The following AGBL4 variants were observed in gnomAD, a reference collection of about 807,000 sequenced individuals.
AGBL4 encodes the protein cytosolic carboxypeptidase 6.
In AGBL4, 58 loss-of-function variants were observed where a neutral mutation model predicts 66.4. That is an observed-to-expected ratio of 0.87 (90% confidence interval 0.71 to 1.09). AGBL4 has a LOEUF of 1.09. Ranked by LOEUF, AGBL4 falls within the 50% of genes least tolerant of loss-of-function variation. AGBL4 has a pLI of 0.00. For missense variants in AGBL4, 579 were observed against 631.0 expected (o/e 0.92, Z 0.88); for synonymous variants, 234 against 222.9 (o/e 1.05, Z -0.44).
intron 3 of AGBL4, among the ~76,000 whole-genome samples, chr1:49,619,442 A>G (rs1052955594): frequency 4.6e-5 from 7 of 152,218 alleles, no homozygotes; most frequent in Non-Finnish European, 1.0e-4. Context: ...AAGGAGAACT[A>G]CAAACCACTG....
chr1:49,128,358 T>C (rs1187045868), intron 4 of AGBL4, among the ~76,000 whole-genome samples: 1 of 152,214 alleles, frequency 6.6e-6, no homozygotes, highest in African/African-American at 2.4e-5. Context: ...TTGATAAATT[T>C]ACTCTGTAAT....
At position 49,523,034 on chromosome 1, in the gene AGBL4, C is replaced by T. The variant is rs371585632; in HGVS notation, c.282+174279G>A. Among the ~76,000 whole-genome samples, 51 of 152,148 alleles carry T rather than the reference C, an allele frequency of 3.4e-4. 1 individual carries two copies. The South Asian group carries it at 9.8e-3, about 29-fold the overall frequency. On this transcript the variant is annotated intron_variant, in intron 3 of 13. Coordinates refer to ENST00000371839, the MANE Select transcript of AGBL4 (RefSeq NM_032785.4). ...AGGAGGTCACAGCACAGGACTCTTG[C>T]TGTTAAAATCCACCCCGATTACCTG...
intron 9 of AGBL4, among the ~76,000 whole-genome samples, chr1:48,602,966 C>A (rs1247926570): frequency 6.6e-6 from 1 of 152,124 alleles, no homozygotes; most frequent in African/African-American, 2.4e-5. Flanking sequence ...TAAGTGAAGA[C>A]TGGGTGAAAG....
chr1:48,940,471 T>A (rs56662848), intron 5 of AGBL4, among the ~76,000 whole-genome samples: 16,175 of 152,234 alleles, frequency 0.11, 954 homozygotes, highest in African/African-American at 0.12. Context: ...CAGAACTAGA[T>A]CCTTTCACCA....
chr1:48,603,434 C>A (rs1164286048), intron 9 of AGBL4, among the ~76,000 whole-genome samples: 2 of 152,130 alleles, frequency 1.3e-5, no homozygotes, highest in Admixed American at 1.3e-4. Flanking sequence ...TGCGCCACAG[C>A]ACTCCAGCCT....
intron 3 of AGBL4, among the ~76,000 whole-genome samples, chr1:49,333,981 T>G (rs940132213): frequency 6.6e-6 from 1 of 152,220 alleles, no homozygotes; most frequent in Non-Finnish European, 1.5e-5. Context: ...TTGACCAGGT[T>G]TCAGATTGTA....
At chr1:49,912,806 G>A (rs570291652) in intron 1 of AGBL4, among the ~76,000 whole-genome samples, 1 of 152,218 alleles carries the variant, frequency 6.6e-6, no homozygotes, top group Admixed American at 6.5e-5. Flanking sequence ...TGCCACATCT[G>A]GTGAGGATAA....
intron 2 of AGBL4, among the ~76,000 whole-genome samples, chr1:49,756,239 C>T (rs1158935150): frequency 4.0e-5 from 6 of 151,694 alleles, no homozygotes; most frequent in East Asian, 1.9e-4. Flanking sequence ...GATATAACCA[C>T]GCAGATATAC....
intron 3 of AGBL4, among the ~76,000 whole-genome samples, chr1:49,666,795 CTTATT>C (rs1050635227): frequency 6.6e-6 from 1 of 151,934 alleles, no homozygotes; most frequent in African/African-American, 2.4e-5. Flanking sequence ...CATTACCATC[CTTATT>C]TTATAGTGAG....
intron 3 of AGBL4, among the ~76,000 whole-genome samples, chr1:49,567,521 A>G (rs1447901738): frequency 6.6e-6 from 1 of 152,214 alleles, no homozygotes; most frequent in East Asian, 1.9e-4. Flanking sequence ...TACATATAAT[A>G]AAAGTATAGT....
At chr1:49,041,521 G>C (rs1023192994) in intron 5 of AGBL4, among the ~76,000 whole-genome samples, 3 of 152,134 alleles carry the variant, frequency 2.0e-5, no homozygotes, top group South Asian at 2.1e-4. Context: ...GTGTTAAACT[G>C]TCCATCAAAG....
In AGBL4 at chr1:49,948,582, TAGAGAG is replaced by T. The variant is rs71059567; in HGVS notation, c.34+75175_34+75180del. Among the ~76,000 whole-genome samples, 488 of 126,900 alleles carry T rather than the reference TAGAGAG, an allele frequency of 3.8e-3. 5 individuals carry two copies. Among genetic ancestry groups the T allele is most frequent in the Middle Eastern group, 0.017 (4 of 242 alleles). The allele number at this position is 126,900 out of a possible 152,430, so 83.3% of individuals were successfully genotyped here. A position where few individuals can be genotyped will look rare whatever the true frequency, so the allele number is the denominator to read the frequency against. Reference sequence around the variant, plus strand: ...ATATAAAAATATATATATATATATATAGAGAGAGAGAGAGAGAGAGAGAGATACACT... The same window carrying T: ...ATATAAAAATATATATATATATATATAGAGAGAGAGAGAGAGAGATACACT... On this transcript the variant is annotated intron_variant, in intron 1 of 13. Coordinates refer to ENST00000371839, the MANE Select transcript of AGBL4 (RefSeq NM_032785.4).
chr1:49,096,650 G>A (rs1645109561), intron 4 of AGBL4, among the ~76,000 whole-genome samples: 1 of 135,824 alleles, frequency 7.4e-6, no homozygotes, highest in African/African-American at 2.8e-5. Context: ...GAGAACACAT[G>A]GACACAGGAA....
chr1:49,313,768 C>T (rs1259354024), intron 3 of AGBL4, among the ~76,000 whole-genome samples: 1 of 152,018 alleles, frequency 6.6e-6, no homozygotes, highest in Non-Finnish European at 1.5e-5. Context: ...TAGATATTAG[C>T]CCTTTGTCAG....
chr1:49,391,337 C>T (rs1047182638), intron 3 of AGBL4, among the ~76,000 whole-genome samples: 9 of 152,088 alleles, frequency 5.9e-5, no homozygotes, highest in Non-Finnish European at 1.2e-4. Context: ...TTAAAAAGAT[C>T]TTGTTTACTA....
At chr1:49,935,009 G>A (rs1348924415) in intron 1 of AGBL4, among the ~76,000 whole-genome samples, 1 of 152,252 alleles carries the variant, frequency 6.6e-6, no homozygotes, top group Admixed American at 6.5e-5. Context: ...CGCACCGTGT[G>A]CGAGTCAAAG....
chr1:49,769,419 C>A (rs1395582817), intron 2 of AGBL4, among the ~76,000 whole-genome samples: 1 of 152,068 alleles, frequency 6.6e-6, no homozygotes, highest in South Asian at 2.1e-4. Context: ...CAATGCTATT[C>A]TTATCAAACT....
intron 3 of AGBL4, among the ~76,000 whole-genome samples, chr1:49,492,829 T>C (rs1647226292): frequency 6.6e-6 from 1 of 151,980 alleles, no homozygotes; most frequent in South Asian, 2.1e-4. Flanking sequence ...GAGCACTGTA[T>C]TAGTCTGTTC....
intron 5 of AGBL4, among the ~76,000 whole-genome samples, chr1:48,968,909 T>C (rs377211772): frequency 2.0e-5 from 3 of 152,138 alleles, no homozygotes; most frequent in East Asian, 3.9e-4. Flanking sequence ...AGAATATATG[T>C]AGAAAATACC....
Sources: gnomAD v4.1 joint callset for allele counts (sites outside exome capture counted in the v4.1 genomes callset) on GRCh38, gnomAD v4.1.1 for gene constraint, MANE v1.5 for transcripts, NCBI Gene and HGNC (gene_info 2026-07-23, HGNC 2026-07-21) for gene names.